ANK3: variants seen among roughly 807,000 people sequenced by gnomAD.
ANK3 encodes the protein ankyrin-3.
A neutral mutation model predicts 370.9 loss-of-function variants in ANK3; 57 were observed. The observed-to-expected ratio is 0.15, with a 90% CI of 0.12 to 0.19. The LOEUF (loss-of-function observed/expected upper bound fraction) is 0.19, where lower values mean the gene tolerates loss of function less well. Ranked by LOEUF, ANK3 falls within the 10% of genes least tolerant of loss-of-function variation. The pLI is 1.00. For synonymous variants in ANK3, 1,929 were observed against 1,946.3 expected, an observed-to-expected ratio of 0.99 and a Z score of 0.23; for missense variants, 4,439 against 5,302.1, an observed-to-expected ratio of 0.84 and a Z score of 5.06.
intron 1 of ANK3, among the ~76,000 whole-genome samples, chr10:60,350,441 T>G (rs4948407): frequency 0.7 from 106,101 of 152,018 alleles, 38,293 homozygotes; most frequent in South Asian, 0.91. Context: ...CTAACTCTTG[T>G]GATGTTACAA....
intron 1 of ANK3, among the ~76,000 whole-genome samples, chr10:60,337,160 T>A (rs1470047545): frequency 2.0e-5 from 3 of 152,186 alleles, no homozygotes; most frequent in Non-Finnish European, 4.4e-5. Context: ...TGGACTTCGC[T>A]TTGGTTATGA....
chr10:60,240,145 CAT>C lies in ANK3; in HGVS notation c.799-5361_799-5360del, dbSNP rs1409860747. Among the ~76,000 whole-genome samples, 112 of 132,002 alleles carry C rather than the reference CAT, an allele frequency of 8.5e-4. 1 individual carries two copies. The highest frequency in any genetic ancestry group is 3.0e-3 in the African/African-American group (101 of 33,430). 86.6% of individuals were successfully genotyped at this position (132,002 alleles called of 152,430 possible). ...ACACATATATATACATATATATACA[CAT>C]ATATATACATATATACACATATATA... On this transcript the variant is annotated intron_variant, in intron 7 of 43. Coordinates refer to ENST00000280772, the MANE Select transcript of ANK3 (RefSeq NM_020987.5).
chr10:60,060,221 C>T, intron 40 of ANK3: 1 of 379,840 alleles, frequency 2.6e-6, no homozygotes, highest in Non-Finnish European at 4.7e-6. Flanking sequence ...ATTAAGATAT[C>T]AATTGTTTCT....
At chr10:60,038,043 C>T (rs2075416069) in intron 43 of ANK3, among the ~76,000 whole-genome samples, 1 of 152,166 alleles carries the variant, frequency 6.6e-6, no homozygotes, top group Non-Finnish European at 1.5e-5. Flanking sequence ...CTCTAATGAA[C>T]AGTGATGCTG....
At chr10:60,270,535 C>T (rs977943540) in intron 4 of ANK3, among the ~76,000 whole-genome samples, 55 of 152,126 alleles carry the variant, frequency 3.6e-4, no homozygotes, top group African/African-American at 1.2e-3. Flanking sequence ...AGTACACTCA[C>T]TTAGTCATCA....
At chr10:60,551,039 T>C (rs1393942726) in intron 2 of ANK3, among the ~76,000 whole-genome samples, 1 of 152,132 alleles carries the variant, frequency 6.6e-6, no homozygotes, top group Non-Finnish European at 1.5e-5. Context: ...ATGTCTTCAA[T>C]TGCATATTTT....
intron 18 of ANK3, among the ~76,000 whole-genome samples, chr10:60,177,871 A>C (rs549977462): frequency 1.3e-5 from 2 of 152,022 alleles, no homozygotes; most frequent in Non-Finnish European, 2.9e-5. Flanking sequence ...AAAGTCTTCA[A>C]ATCTTAGCTG....
At chr10:60,374,948 C>G (rs1323574510) in intron 1 of ANK3, among the ~76,000 whole-genome samples, 1 of 151,402 alleles carries the variant, frequency 6.6e-6, no homozygotes, top group East Asian at 1.9e-4. Flanking sequence ...AAAGGAGGTA[C>G]TATTATTATC....
chr10:60,502,351 G>A (rs936570088), intron 2 of ANK3, among the ~76,000 whole-genome samples: 2 of 152,168 alleles, frequency 1.3e-5, no homozygotes, highest in Non-Finnish European at 2.9e-5. Flanking sequence ...AAGAGTATGT[G>A]GAAGCTAACA....
rs1203332542 is a variant in ANK3 at position 60,449,382 on chromosome 10, C to T, written c.96+165804G>A. Among the ~76,000 whole-genome samples, 5 of 152,116 alleles carry T rather than the reference C, an allele frequency of 3.3e-5. No individual in the cohort carries two copies. In the South Asian group the frequency reaches 6.2e-4, roughly 19 times the overall value. On this transcript the variant is annotated intron_variant, in intron 2 of 43. Coordinates refer to the ANK3 transcript ENST00000373827. ...AATCTGGTATGTGTTTTGCACTTCT[C>T]AATTCAGGCTAGCCTGAATTGAAAC...
In ANK3 at chr10:60,655,149, T is replaced by C. The variant is rs1383320446; in HGVS notation, c.58-39925A>G. Among the ~76,000 whole-genome samples, 3 of 152,122 alleles carry C rather than the reference T, an allele frequency of 2.0e-5. 1 individual carries two copies. Among genetic ancestry groups the C allele is most frequent in the Non-Finnish European group, 4.4e-5 (3 of 68,034 alleles). On this transcript the variant is annotated intron_variant, in intron 1 of 43. Coordinates refer to the ANK3 transcript ENST00000373827. ...AATAAACAATTATGTTACTGCTTTA[T>C]GTATTTACTATAGTATACTTTTTAA...
Position 60,086,672 on chromosome 10 carries a change from CA to C in ANK3, c.3748+4del. The C allele has an allele frequency of 6.2e-7, 1 of 1,610,290 alleles. No individual in the cohort carries two copies. Among genetic ancestry groups the C allele is most frequent in the Non-Finnish European group, 8.5e-7 (1 of 1,177,774 alleles). On this transcript the variant is annotated splice_donor_region_variant and intron_variant, in intron 30 of 43. Transcript: ENST00000280772. ...ATAGGAAGTACAGCAGTGACTTAAC[CA>C]AACCTGTAATGCTACAGAGAAGACG...
At position 60,400,051 on chromosome 10, in the gene ANK3, T is replaced by C. The variant is rs925867260; in HGVS notation, c.97-120412A>G. Reference sequence around the variant, plus strand: ...GTGTGTGTGTGTGTGTGTGTGTGTGTGTGCAGCCATGGCACTAAAATCTAG... The same window carrying C: ...GTGTGTGTGTGTGTGTGTGTGTGTGCGTGCAGCCATGGCACTAAAATCTAG... On this transcript the variant is annotated intron_variant, in intron 2 of 43. Transcript: ENST00000373827. Among the ~76,000 whole-genome samples, 162 of 133,104 alleles carry C rather than the reference T, an allele frequency of 1.2e-3. 1 individual carries two copies. The highest frequency in any genetic ancestry group is 2.0e-3 in the Non-Finnish European group (121 of 60,760). 87.3% of individuals were successfully genotyped at this position (133,104 alleles called of 152,430 possible). A position where few individuals can be genotyped will look rare whatever the true frequency, so the allele number is the denominator to read the frequency against.
At chr10:60,551,704 CT>C (rs900729321) in intron 2 of ANK3, among the ~76,000 whole-genome samples, 4 of 152,050 alleles carry the variant, frequency 2.6e-5, no homozygotes, top group African/African-American at 9.7e-5. Context: ...CAAATTTAGT[CT>C]TTTTGAAAAA....
chr10:60,500,411 G>A (rs745809628), intron 2 of ANK3, among the ~76,000 whole-genome samples: 9 of 152,156 alleles, frequency 5.9e-5, no homozygotes, highest in Non-Finnish European at 1.3e-4. Flanking sequence ...TTTGTGGAAG[G>A]TATTAGGAAT....
At chr10:60,563,984 C>G (rs1361754383) in intron 2 of ANK3, among the ~76,000 whole-genome samples, 1 of 152,102 alleles carries the variant, frequency 6.6e-6, no homozygotes, top group Non-Finnish European at 1.5e-5. Context: ...GTTCTAAGTG[C>G]ACAATCACCT....
intron 43 of ANK3, among the ~76,000 whole-genome samples, chr10:60,035,342 A>G (rs1230887071): frequency 3.3e-5 from 5 of 151,830 alleles, no homozygotes; most frequent in East Asian, 1.9e-4. Context: ...TCTGCCTCCT[A>G]GGTTCAAGCG....
chr10:60,124,072 C>T (rs114719499), intron 25 of ANK3, among the ~76,000 whole-genome samples: 1,942 of 152,278 alleles, frequency 0.013, 29 homozygotes, highest in African/African-American at 0.043. Flanking sequence ...AATGGAATGA[C>T]CCAAGTAATG....
chr10:60,290,401 CTTT>C (rs71015780), intron 1 of ANK3, among the ~76,000 whole-genome samples: 19 of 150,946 alleles, frequency 1.3e-4, no homozygotes, highest in Non-Finnish European at 2.5e-4. Context: ...AGCTTTTATT[CTTT>C]TTTTTTACTT....
Sources: gnomAD v4.1 joint callset for allele counts (sites outside exome capture counted in the v4.1 genomes callset) on GRCh38, gnomAD v4.1.1 for gene constraint, MANE v1.5 for transcripts, NCBI Gene and HGNC (gene_info 2026-07-23, HGNC 2026-07-21) for gene names.